AKAIN1: variants seen among roughly 807,000 people sequenced by gnomAD.
The protein encoded by AKAIN1 is A-kinase anchor inhibitor 1.
Under a neutral mutation model 3.7 loss-of-function variants are expected in AKAIN1, and 3 were observed. The ratio of observed to expected loss-of-function variants is 0.82; its 90% CI spans 0.37 to 2.12. The LOEUF (loss-of-function observed/expected upper bound fraction) is 2.12, where lower values mean the gene tolerates loss of function less well. Among genes scored for constraint, AKAIN1 ranks in the 30% most tolerant of loss-of-function variants. The pLI is 0.06. For synonymous variants in AKAIN1, 31 were observed against 30.8 expected (o/e 1.01, Z -0.02); for missense variants, 82 against 82.7 (o/e 0.99, Z 0.03).
chr18:5,170,818 T>C (rs1459379593), intron 1 of AKAIN1: 2 of 152,100 alleles, frequency 1.3e-5, no homozygotes, highest in African/African-American at 2.4e-5. Context: ...TTTTCTCCCT[T>C]GGGAGGCTTA....
intron 1 of AKAIN1, among the ~76,000 whole-genome samples, chr18:5,196,294 T>C (rs931729660): frequency 6.6e-6 from 1 of 152,208 alleles, no homozygotes; most frequent in Non-Finnish European, 1.5e-5. Context: ...TCGATTAGCC[T>C]GGCCTCCCTT....
chr18:5,151,567 A>G (rs1400199456), intron 1 of AKAIN1, among the ~76,000 whole-genome samples: 1 of 152,210 alleles, frequency 6.6e-6, no homozygotes, highest in Non-Finnish European at 1.5e-5. Flanking sequence ...TGCAGAAAGC[A>G]AGACAGCTAT....
intron 1 of AKAIN1, among the ~76,000 whole-genome samples, chr18:5,169,600 C>A (rs1344469147): frequency 6.6e-6 from 1 of 152,096 alleles, no homozygotes; most frequent in Non-Finnish European, 1.5e-5. Context: ...TAGTCCAGTA[C>A]CATTACCGCG....
chr18:5,192,385 T>TTTTCTTTTTC (rs1555611428), intron 1 of AKAIN1, among the ~76,000 whole-genome samples: 2 of 106,990 alleles, frequency 1.9e-5, no homozygotes, highest in Non-Finnish European at 3.8e-5. Context: ...ACAGAGCTAA[T>TTTTCTTTTTC]TTTCTTTCTT....
chr18:5,162,623 TGC>T (rs1292083757), intron 1 of AKAIN1, among the ~76,000 whole-genome samples: 1 of 95,404 alleles, frequency 1.0e-5, no homozygotes, highest in Non-Finnish European at 2.1e-5. Context: ...TTCAATGTGA[TGC>T]GTGTGTGTGT....
chr18:5,147,586 A>T (rs2071056354), intron 1 of AKAIN1, among the ~76,000 whole-genome samples: 1 of 152,236 alleles, frequency 6.6e-6, no homozygotes, highest in East Asian at 1.9e-4. Flanking sequence ...ATTAATTAAC[A>T]ACAGAATTTA....
At chr18:5,162,841 A>G (rs1360540029) in intron 1 of AKAIN1, among the ~76,000 whole-genome samples, 3 of 151,970 alleles carry the variant, frequency 2.0e-5, no homozygotes, top group African/African-American at 7.2e-5. Flanking sequence ...GAGGGTGACC[A>G]GTTACAGGAA....
At chr18:5,184,513 G>A (rs932072868) in intron 1 of AKAIN1, among the ~76,000 whole-genome samples, 3 of 151,978 alleles carry the variant, frequency 2.0e-5, no homozygotes, top group African/African-American at 7.2e-5. Flanking sequence ...CAAAATCCAT[G>A]CATGAAAACC....
At chr18:5,195,275 A>T (rs912453579) in intron 1 of AKAIN1, among the ~76,000 whole-genome samples, 1 of 152,240 alleles carries the variant, frequency 6.6e-6, no homozygotes, top group African/African-American at 2.4e-5. Context: ...CTTGAAAGTA[A>T]AATGGAAAAG....
intron 1 of AKAIN1, among the ~76,000 whole-genome samples, chr18:5,150,019 G>C (rs1384904216): frequency 1.3e-5 from 2 of 152,148 alleles, no homozygotes; most frequent in Non-Finnish European, 2.9e-5. Context: ...TGAATAACAA[G>C]GTTTATTCTG....
Position 5,145,615 on chromosome 18 carries a change from C to T in AKAIN1, c.157G>A (p.Asp53Asn), listed in dbSNP as rs1293400267. ...TCCCCAACGCCCAGTTGGATGTGGT[C>T]CCGGTTGTCACTGATTCTCTCTTCT... The part of the protein sequence containing the change: ...RREERISDNR[D>N]HIQLGVGELT... Residue 53 changes from aspartate (D) to asparagine (N), a missense_variant, in exon 2 of 2, where the codon GAC becomes AAC. Transcript: ENST00000434239. 1 of 1,551,670 alleles carries T rather than the reference C, an allele frequency of 6.4e-7. No homozygotes were observed. Among genetic ancestry groups the T allele is most frequent in the Non-Finnish European group, 8.7e-7 (1 of 1,146,956 alleles).
intron 1 of AKAIN1, among the ~76,000 whole-genome samples, chr18:5,147,580 A>G (rs1190943524): frequency 6.6e-6 from 1 of 152,192 alleles, no homozygotes; most frequent in Non-Finnish European, 1.5e-5. Context: ...GGGTTGATTA[A>G]TTAACAACAG....
At chr18:5,165,372 T>G (rs1339693757) in intron 1 of AKAIN1, among the ~76,000 whole-genome samples, 1 of 151,910 alleles carries the variant, frequency 6.6e-6, no homozygotes, top group African/African-American at 2.4e-5. Context: ...TAGGAGACAA[T>G]GAGTAAGGTG....
chr18:5,170,537 A>T (rs1313546517), intron 1 of AKAIN1: 1 of 152,170 alleles, frequency 6.6e-6, no homozygotes, highest in East Asian at 1.9e-4. Flanking sequence ...CACATTGTAC[A>T]TCCTCATTAA....
chr18:5,179,216 T>A (rs1598313653), intron 1 of AKAIN1, among the ~76,000 whole-genome samples: 2 of 152,156 alleles, frequency 1.3e-5, no homozygotes, highest in South Asian at 4.1e-4. Flanking sequence ...TCCACCCTTG[T>A]GAGTCTCCAG....
Position 5,145,739 on chromosome 18 carries a change from A to AT in AKAIN1, c.32dup (p.Asn11LysfsTer2), listed in dbSNP as rs777946283. ...TCTGCAGCTTCACCTCTTCAGGCTC[A>AT]TTTCCAGGTTTCTCACCTAGCCAAA... is the stretch of plus-strand genomic sequence containing the variant. On this transcript the variant is annotated frameshift_variant, in exon 2 of 2. Coordinates refer to ENST00000434239, the MANE Select transcript of AKAIN1 (RefSeq NM_001145194.2). LOFTEE classifies it high-confidence loss of function. 4 of 1,550,748 alleles carry AT rather than the reference A, an allele frequency of 2.6e-6. No individual in the cohort carries two copies. The East Asian group carries it at 9.8e-5, about 38-fold the overall frequency.
chr18:5,189,134 A>G (rs1025011067), intron 1 of AKAIN1, among the ~76,000 whole-genome samples: 3 of 152,116 alleles, frequency 2.0e-5, no homozygotes, highest in African/African-American at 7.2e-5. Flanking sequence ...GGGAGCAGAG[A>G]CCCAAGACAA....
intron 1 of AKAIN1, among the ~76,000 whole-genome samples, chr18:5,150,939 G>A (rs1039392142): frequency 7.9e-5 from 12 of 152,166 alleles, no homozygotes; most frequent in African/African-American, 2.9e-4. Context: ...CAGTGAGGCG[G>A]GTTTTGGAAA....
At chr18:5,161,427 A>G (rs2143330462) in intron 1 of AKAIN1, among the ~76,000 whole-genome samples, 1 of 152,242 alleles carries the variant, frequency 6.6e-6, no homozygotes, top group African/African-American at 2.4e-5. Context: ...AATTCTAATA[A>G]TCTGTTGAAA....
Sources: gnomAD v4.1 joint callset for allele counts (sites outside exome capture counted in the v4.1 genomes callset) on GRCh38, gnomAD v4.1.1 for gene constraint, MANE v1.5 for transcripts, NCBI Gene and HGNC (gene_info 2026-07-23, HGNC 2026-07-21) for gene names.